PHLPP1: variants seen among roughly 807,000 people sequenced by gnomAD.
PHLPP1 encodes the protein PH domain leucine-rich repeat-containing protein phosphatase 1.
In PHLPP1, 42 loss-of-function variants were observed where a neutral mutation model predicts 117.2. That is an observed-to-expected ratio of 0.36 (90% CI 0.28 to 0.46). The LOEUF (loss-of-function observed/expected upper bound fraction) is 0.46, where lower values mean the gene tolerates loss of function less well. Among genes scored for constraint, PHLPP1 ranks in the 20% least tolerant of loss-of-function variants. PHLPP1 has a pLI of 1.00. For missense variants in PHLPP1, 2,084 were observed against 2,241.9 expected, an observed-to-expected ratio of 0.93 and a Z score of 1.42; for synonymous variants, 1,042 against 970.7, an observed-to-expected ratio of 1.07 and a Z score of -1.37.
intron 1 of PHLPP1, among the ~76,000 whole-genome samples, chr18:62,800,824 G>A (rs558052687): frequency 1.3e-5 from 2 of 152,210 alleles, no homozygotes; most frequent in African/African-American, 4.8e-5. Flanking sequence ...TGACTTAATA[G>A]TGAGCTTTTG....
intron 9 of PHLPP1, among the ~76,000 whole-genome samples, chr18:62,917,806 C>A (rs1171842885): frequency 2.0e-5 from 3 of 149,910 alleles, no homozygotes; most frequent in African/African-American, 7.4e-5. Flanking sequence ...GGAGCTGAGA[C>A]CCTGCCTCTT....
chr18:62,973,015 TCTC>T (rs1345927867), intron 15 of PHLPP1, among the ~76,000 whole-genome samples: 1 of 152,200 alleles, frequency 6.6e-6, no homozygotes, highest in Non-Finnish European at 1.5e-5. Flanking sequence ...CAATGCCATT[TCTC>T]CTCCCAAATC....
At chr18:62,927,500 G>C (rs1186559367) in intron 10 of PHLPP1, among the ~76,000 whole-genome samples, 1 of 152,120 alleles carries the variant, frequency 6.6e-6, no homozygotes, top group Non-Finnish European at 1.5e-5. Flanking sequence ...TTAAGGAACT[G>C]AGAACAAAGT....
At chr18:62,879,061 C>G (rs1179635312) in intron 4 of PHLPP1, among the ~76,000 whole-genome samples, 1 of 152,088 alleles carries the variant, frequency 6.6e-6, no homozygotes, top group African/African-American at 2.4e-5. Flanking sequence ...CATGAAATGC[C>G]TACATCAGAA....
intron 4 of PHLPP1, among the ~76,000 whole-genome samples, chr18:62,876,449 G>T (rs978022122): frequency 6.6e-6 from 1 of 152,032 alleles, no homozygotes; most frequent in African/African-American, 2.4e-5. Flanking sequence ...CTTCTGAATT[G>T]TTCACTTTTT....
chr18:62,976,456 CAAGAG>C, intron 16 of PHLPP1, among the ~76,000 whole-genome samples: 1 of 152,218 alleles, frequency 6.6e-6, no homozygotes, highest in Non-Finnish European at 1.5e-5. Context: ...GCACAGAAAA[CAAGAG>C]AAGTCTGACG....
intron 8 of PHLPP1, among the ~76,000 whole-genome samples, chr18:62,912,508 CCCCCCAGCAA>C (rs1313818932): frequency 6.6e-6 from 1 of 151,712 alleles, no homozygotes; most frequent in Non-Finnish European, 1.5e-5. Context: ...ACTCCTCCCA[CCCCCCAGCAA>C]CCCCAAATGT....
intron 11 of PHLPP1, 98 bp downstream of exon 11, chr18:62,942,016 A>G: frequency 1.0e-6 from 1 of 969,514 alleles, no homozygotes; most frequent in East Asian, 2.5e-5. Flanking sequence ...GGTGATGTCA[A>G]GTTTGTTTGC....
At chr18:62,837,036 C>T (rs1320731940) in intron 2 of PHLPP1, among the ~76,000 whole-genome samples, 1 of 152,158 alleles carries the variant, frequency 6.6e-6, no homozygotes, top group African/African-American at 2.4e-5. Flanking sequence ...GGTTGGAGTG[C>T]AGTGGTATAG....
intron 3 of PHLPP1, among the ~76,000 whole-genome samples, chr18:62,841,764 T>G (rs1342729678): frequency 6.6e-6 from 1 of 152,224 alleles, no homozygotes; most frequent in Non-Finnish European, 1.5e-5. Context: ...GCATACATTT[T>G]ATACTTACAA....
intron 10 of PHLPP1, among the ~76,000 whole-genome samples, chr18:62,936,295 T>C (rs1237804713): frequency 6.6e-6 from 1 of 152,182 alleles, no homozygotes; most frequent in Non-Finnish European, 1.5e-5. Context: ...ATGACCATAC[T>C]GAAATAAAGC....
At chr18:62,946,279 G>A (rs1274094829) in intron 12 of PHLPP1, among the ~76,000 whole-genome samples, 1 of 151,050 alleles carries the variant, frequency 6.6e-6, no homozygotes, top group Non-Finnish European at 1.5e-5. Flanking sequence ...TTTTGTTTTT[G>A]AGATGGAGTT....
At chr18:62,727,827 C>G (rs752439367) in intron 1 of PHLPP1, among the ~76,000 whole-genome samples, 17 of 151,954 alleles carry the variant, frequency 1.1e-4, no homozygotes, top group Admixed American at 1.0e-3. Flanking sequence ...CCCACGCCAT[C>G]GTCACTTTTA....
chr18:62,741,409 C>T (rs1206945002), intron 1 of PHLPP1, among the ~76,000 whole-genome samples: 2 of 152,124 alleles, frequency 1.3e-5, no homozygotes, highest in Non-Finnish European at 2.9e-5. Context: ...GGAGTGCTTG[C>T]TTCCCAAGGT....
At chr18:62,922,763 A>G (rs1020510861) in intron 10 of PHLPP1, among the ~76,000 whole-genome samples, 2 of 152,190 alleles carry the variant, frequency 1.3e-5, no homozygotes, top group Non-Finnish European at 2.9e-5. Flanking sequence ...TTCATTCCTG[A>G]GAATTTGATT....
At chr18:62,773,017 A>C (rs951252745) in intron 1 of PHLPP1, among the ~76,000 whole-genome samples, 1 of 151,992 alleles carries the variant, frequency 6.6e-6, no homozygotes, top group Non-Finnish European at 1.5e-5. Flanking sequence ...GCTGAGGCCC[A>C]GTCAAGGTTG....
At position 62,905,260 on chromosome 18, in the gene PHLPP1, A is replaced by G. The variant is rs771565759; in HGVS notation, c.2684A>G (p.Tyr895Cys). Residue 895 changes from tyrosine (Y) to cysteine (C), a missense_variant, in exon 8 of 17, where the codon TAT (tyrosine) becomes TGT (cysteine). Physicochemically the swap from Tyr to Cys is radical, Grantham distance 194. Around this residue, in one of 2 missense-constraint regions of PHLPP1, gnomAD observed 1,365 missense variants for 1,605.9 expected, o/e 0.85. Coordinates refer to ENST00000262719, the MANE Select transcript of PHLPP1 (RefSeq NM_194449.4). ...VQLDVYPVPN[Y>C]LSYMDVSRNR... is the part of the protein sequence containing the mutation. ...CTTGATGTTTACCCAGTTCCAAATT[A>G]TCTGTCCTACATGGATGTTTCAAGG... The G allele has an allele frequency of 1.6e-5, 25 of 1,544,826 alleles. No individual in the cohort carries two copies. The Middle Eastern group carries it at 5.2e-4, about 32-fold the overall frequency.
chr18:62,847,198 T>C (rs550540037), intron 3 of PHLPP1, among the ~76,000 whole-genome samples: 7 of 152,226 alleles, frequency 4.6e-5, no homozygotes, highest in Non-Finnish European at 8.8e-5. Flanking sequence ...TCCTTCCTCC[T>C]GTCTTCTCAT....
At chr18:62,787,145 GA>G (rs1913314476) in intron 1 of PHLPP1, among the ~76,000 whole-genome samples, 1 of 151,994 alleles carries the variant, frequency 6.6e-6, no homozygotes, top group Non-Finnish European at 1.5e-5. Context: ...TTTTACTCAG[GA>G]TGCCTTTTTT....
Sources: gnomAD v4.1 joint callset for allele counts (sites outside exome capture counted in the v4.1 genomes callset) on GRCh38, gnomAD v4.1.1 for gene constraint, gnomAD v4.1.1 regional missense constraint, MANE v1.5 for transcripts, NCBI Gene and HGNC (gene_info 2026-07-23, HGNC 2026-07-21) for gene names.